ARID1B: variants seen among roughly 807,000 people sequenced by gnomAD.
ARID1B encodes AT-rich interaction domain 1B.
ARID1B carries 30 observed loss-of-function variants against 212.3 expected under a neutral mutation model. The observed-to-expected ratio is 0.14, with a 90% CI of 0.11 to 0.19. The LOEUF (loss-of-function observed/expected upper bound fraction) is 0.19, where lower values mean the gene tolerates loss of function less well. ARID1B is among the 10% of genes least tolerant of loss of function. The pLI is 1.00. For missense variants in ARID1B, 2,891 were observed against 3,204.0 expected (o/e 0.90, Z 2.36); for synonymous variants, 1,402 against 1,301.7 (o/e 1.08, Z -1.66).
chr6:157,161,125 T>C (rs565367917), intron 8 of ARID1B, among the ~76,000 whole-genome samples: 3 of 152,382 alleles, frequency 2.0e-5, no homozygotes, highest in South Asian at 2.1e-4. Flanking sequence ...TAATTACTTA[T>C]AGCATGTCTC....
At chr6:157,140,934 G>A (rs931640774) in intron 7 of ARID1B, 7 of 342,060 alleles carry the variant, frequency 2.0e-5, no homozygotes, top group African/African-American at 4.2e-5. Flanking sequence ...TTACTTGCCT[G>A]TTTCCTGCCA....
chr6:156,864,201 C>T lies in ARID1B; in HGVS notation c.1986+34780C>T, dbSNP rs539821070. 3.5e-4 allele frequency among the ~76,000 whole-genome samples: 54 copies of T among 152,272 alleles called. 1 individual carries two copies. Among genetic ancestry groups the T allele is most frequent in the African/African-American group, 1.3e-3 (52 of 41,550 alleles). ...TATGTACTTAAAGTAATTGAATGGA[C>T]TGCAGGGTATACTGGGAATTGTAGT... On this transcript the variant is annotated intron_variant, in intron 2 of 19. Coordinates refer to ENST00000636930, the MANE Select transcript of ARID1B (RefSeq NM_001374828.1).
intron 1 of ARID1B, among the ~76,000 whole-genome samples, chr6:156,796,837 G>A (rs1780415678): frequency 6.6e-6 from 1 of 152,184 alleles, no homozygotes. Context: ...TAAGCCCTGG[G>A]GTGGGCGTAG....
At chr6:157,039,863 TCTC>T (rs1276831745) in intron 4 of ARID1B, among the ~76,000 whole-genome samples, 53 of 119,056 alleles carry the variant, frequency 4.5e-4, no homozygotes, top group Non-Finnish European at 5.1e-4. Context: ...TCTCTTTCTC[TCTC>T]TTTCTCTTTC....
chr6:156,829,466 G>A (rs993087861), intron 2 of ARID1B, 45 bp downstream of exon 2: 2 of 1,560,696 alleles, frequency 1.3e-6, no homozygotes, highest in Non-Finnish European at 1.7e-6. Flanking sequence ...TAATAGTTTT[G>A]TCTTTGCCTT....
At chr6:156,850,800 G>A (rs929364692) in intron 2 of ARID1B, among the ~76,000 whole-genome samples, 4 of 152,148 alleles carry the variant, frequency 2.6e-5, no homozygotes, top group Admixed American at 6.5e-5. Context: ...AAACCACATT[G>A]AGTGAGAAAA....
chr6:157,140,418 C>T (rs1047438018), intron 7 of ARID1B, among the ~76,000 whole-genome samples: 3 of 151,682 alleles, frequency 2.0e-5, no homozygotes, highest in African/African-American at 7.3e-5. Flanking sequence ...TGCAGTGAGC[C>T]GAGATCACAC....
intron 4 of ARID1B, among the ~76,000 whole-genome samples, chr6:157,040,405 G>C (rs2128523812): frequency 6.6e-6 from 1 of 152,344 alleles, no homozygotes. Context: ...GAACATTTCT[G>C]AGCCTGCTGG....
chr6:156,809,040 T>G (rs967091324), intron 1 of ARID1B, among the ~76,000 whole-genome samples: 1 of 152,254 alleles, frequency 6.6e-6, no homozygotes, highest in Non-Finnish European at 1.5e-5. Flanking sequence ...GATTTGTTGA[T>G]TTGCTATTAA....
chr6:157,158,031 A>T (rs1790683868), intron 8 of ARID1B, among the ~76,000 whole-genome samples: 1 of 152,242 alleles, frequency 6.6e-6, no homozygotes, highest in Non-Finnish European at 1.5e-5. Flanking sequence ...CTCTTAAAAA[A>T]TAATAATAAT....
At chr6:156,947,960 G>T (rs1793285352) in intron 4 of ARID1B, among the ~76,000 whole-genome samples, 1 of 152,126 alleles carries the variant, frequency 6.6e-6, no homozygotes, top group Non-Finnish European at 1.5e-5. Flanking sequence ...CTCCAGAATG[G>T]CAGGACAGCT....
intron 7 of ARID1B, among the ~76,000 whole-genome samples, chr6:157,136,588 A>G (rs1408990450): frequency 6.6e-6 from 1 of 152,248 alleles, no homozygotes; most frequent in African/African-American, 2.4e-5. Context: ...CTGGTTGGGC[A>G]TGGTGGCTCA....
rs55660810 is a variant in ARID1B at position 156,906,546 on chromosome 6, CAAAAAAAAAAAAAAAAAAAAAA to C, written c.2136+5029_2136+5050del. On this transcript the variant is annotated intron_variant, in intron 3 of 19. Transcript: ENST00000636930. The stretch of plus-strand genomic sequence containing the variant: ...GGCAACAAGAGCGAAACTCCATCTC[CAAAAAAAAAAAAAAAAAAAAAA>C]AAAAAAAGCACCAGCCACTTAGAAA... Among the ~76,000 whole-genome samples, 363 of 39,710 alleles carry C rather than the reference CAAAAAAAAAAAAAAAAAAAAAA, an allele frequency of 9.1e-3. 3 individuals carry two copies. The highest frequency in any genetic ancestry group is 0.024 in the African/African-American group (346 of 14,280). The allele number at this position is 39,710 out of a possible 152,430, so 26.1% of individuals were successfully genotyped here.
At chr6:156,969,308 G>A (rs1309664125) in intron 4 of ARID1B, among the ~76,000 whole-genome samples, 4 of 152,180 alleles carry the variant, frequency 2.6e-5, no homozygotes, top group Non-Finnish European at 5.9e-5. Flanking sequence ...TTCAAAATCA[G>A]TCTGTTAGTC....
chr6:156,897,206 GCTGCTGCTGCTGCTTCTT>G (rs750617759), intron 2 of ARID1B, among the ~76,000 whole-genome samples: 3,487 of 81,290 alleles, frequency 0.043, 91 homozygotes, highest in Non-Finnish European at 0.067. Context: ...TGCTGCTGCT[GCTGCTGCTGCTGCTTCTT>G]CTTCTTCTTC....
intron 13 of ARID1B, chr6:157,184,834 C>G (rs922705306): frequency 1.8e-5 from 4 of 216,602 alleles, no homozygotes; most frequent in African/African-American, 7.1e-5. Context: ...CCTACAGGTT[C>G]GACAGCTCGA....
intron 1 of ARID1B, chr6:156,779,847 C>G (rs1273925881): frequency 1.3e-5 from 2 of 154,344 alleles, no homozygotes; most frequent in East Asian, 3.9e-4. Flanking sequence ...TAGGCTCTCC[C>G]GGCCAGGACG....
intron 4 of ARID1B, among the ~76,000 whole-genome samples, chr6:156,953,671 A>G (rs1343130799): frequency 2.0e-5 from 3 of 152,166 alleles, no homozygotes; most frequent in Non-Finnish European, 4.4e-5. Context: ...ATTTATCATC[A>G]GCTGACACTG....
intron 2 of ARID1B, among the ~76,000 whole-genome samples, chr6:156,873,630 G>A (rs914958725): frequency 6.6e-6 from 1 of 152,252 alleles, no homozygotes; most frequent in Non-Finnish European, 1.5e-5. Flanking sequence ...GATACACAGT[G>A]TGAATTATTC....
Sources: allele counts gnomAD v4.1 joint callset (sites outside exome capture counted in the v4.1 genomes callset), GRCh38; gene constraint gnomAD v4.1.1; transcripts MANE v1.5; gene names NCBI Gene and HGNC (gene_info 2026-07-23, HGNC 2026-07-21).